The following DPH6 variants were observed in gnomAD, a reference collection of about 807,000 sequenced individuals.
DPH6 encodes the protein diphthamine biosynthesis 6.
Under a neutral mutation model 38.2 loss-of-function variants are expected in DPH6, and 33 were observed. That is an observed-to-expected ratio of 0.86 (90% confidence interval 0.65 to 1.15). The LOEUF (loss-of-function observed/expected upper bound fraction) is 1.15, where lower values mean the gene tolerates loss of function less well. Ranked by LOEUF, DPH6 falls within the 50% of genes most tolerant of loss-of-function variation. The pLI, the probability that DPH6 is intolerant of heterozygous loss-of-function variation, is 0.00. For missense variants in DPH6, 325 were observed against 320.0 expected (o/e 1.02, Z -0.12); for synonymous variants, 108 against 103.0 (o/e 1.05, Z -0.30).
intron 3 of DPH6, among the ~76,000 whole-genome samples, chr15:35,496,567 A>AAAAATATAT: frequency 4.5e-4 from 14 of 31,020 alleles, no homozygotes; most frequent in Non-Finnish European, 6.8e-4. Context: ...AAAAAAAAAA[A>AAAAATATAT]ATATATATAT....
chr15:35,198,514 C>G, the DPH6 span, among the ~76,000 whole-genome samples: 1 of 152,190 alleles, frequency 6.6e-6, no homozygotes, highest in African/African-American at 2.4e-5. Flanking sequence ...GTAAGTAAAC[C>G]AAGAAACTTG....
chr15:35,185,393 T>A, the DPH6 span, among the ~76,000 whole-genome samples: 1 of 152,146 alleles, frequency 6.6e-6, no homozygotes, highest in Non-Finnish European at 1.5e-5. Context: ...TTCTGAAATG[T>A]GACATTTCCA....
At chr15:35,345,237 C>T (rs2052452106) in intron 3 of DPH6, among the ~76,000 whole-genome samples, 1 of 151,808 alleles carries the variant, frequency 6.6e-6, no homozygotes, top group Admixed American at 6.6e-5. Flanking sequence ...ATCCAGAAAC[C>T]TTATCGATCT....
chr15:35,410,115 A>C (rs578113451), intron 6 of DPH6, among the ~76,000 whole-genome samples: 35 of 151,996 alleles, frequency 2.3e-4, no homozygotes, highest in African/African-American at 8.4e-4. Flanking sequence ...CTGATGAATT[A>C]AGAGCATGGG....
rs2053220453 is a variant in DPH6 at position 35,401,596 on chromosome 15, G to C, written c.567+9239C>G. ...AGGTGGTGGAAGCTACAATGATTTTGGCAATTACAACAATCATCTTCGAAT... is the reference window on the plus strand; with the variant it reads ...AGGTGGTGGAAGCTACAATGATTTTCGCAATTACAACAATCATCTTCGAAT... On this transcript the variant is annotated intron_variant, in intron 6 of 8. Coordinates refer to ENST00000256538, the MANE Select transcript of DPH6 (RefSeq NM_080650.4). 14 of 765,986 alleles carry C rather than the reference G, an allele frequency of 1.8e-5. No homozygotes were observed. In the Admixed American group the frequency reaches 2.4e-4, roughly 13 times the overall value. The allele number at this position is 765,986 out of a possible 1,614,324, so 47.4% of individuals were successfully genotyped here. A position where few individuals can be genotyped will look rare whatever the true frequency, so the allele number is the denominator to read the frequency against.
At chr15:35,253,022 T>C (rs2051684904) in intron 3 of DPH6, among the ~76,000 whole-genome samples, 1 of 152,222 alleles carries the variant, frequency 6.6e-6, no homozygotes, top group Non-Finnish European at 1.5e-5. Flanking sequence ...GCACCAACTA[T>C]CTCTGACGTC....
chr15:35,464,243 G>A (rs1455894057), intron 3 of DPH6, among the ~76,000 whole-genome samples: 1 of 150,984 alleles, frequency 6.6e-6, no homozygotes, highest in African/African-American at 2.4e-5. Flanking sequence ...GCAGTGAGCC[G>A]AGATCGTGCT....
intron 3 of DPH6, chr15:35,519,096 T>G (rs1286472823): frequency 2.6e-5 from 4 of 151,902 alleles, no homozygotes; most frequent in African/African-American, 9.7e-5. Context: ...CTGCTTTTAT[T>G]ATCCATAACT....
intron 3 of DPH6, among the ~76,000 whole-genome samples, chr15:35,251,982 T>C (rs1379826846): frequency 6.6e-6 from 1 of 152,014 alleles, no homozygotes; most frequent in African/African-American, 2.4e-5. Context: ...CTACTAAAAA[T>C]ATAAAAATTA....
intron 5 of DPH6, among the ~76,000 whole-genome samples, chr15:35,435,317 C>T (rs538403174): frequency 3.9e-5 from 6 of 151,952 alleles, no homozygotes; most frequent in Admixed American, 1.3e-4. Flanking sequence ...ATAGCCTACA[C>T]GTGACAATTA....
intron 3 of DPH6, among the ~76,000 whole-genome samples, chr15:35,469,101 A>G (rs1229506855): frequency 6.6e-6 from 1 of 151,570 alleles, no homozygotes; most frequent in Non-Finnish European, 1.5e-5. Flanking sequence ...AACAACAACA[A>G]CAACAGGCCA....
At chr15:35,384,998 C>T (rs190303629) in intron 6 of DPH6, among the ~76,000 whole-genome samples, 1 of 152,052 alleles carries the variant, frequency 6.6e-6, no homozygotes, top group African/African-American at 2.4e-5. Context: ...ATTTATGCGG[C>T]CAACAAACAT....
In DPH6 at chr15:35,324,397, A is replaced by G. The variant is rs375358573; in HGVS notation, n.200+49124T>C. Among the ~76,000 whole-genome samples the G allele has an allele frequency of 5.9e-5, 9 of 152,196 alleles. No homozygotes were observed. The East Asian group carries it at 7.7e-4, about 13-fold the overall frequency. On this transcript the variant is annotated intron_variant and non_coding_transcript_variant, in intron 3 of 3. Coordinates refer to the DPH6 transcript ENST00000560386. Reference sequence around the variant, plus strand: ...AAACTCTATTTTTCTTAAACTCAACAAAAATAAGATGAAGAATATAATACA... The same window carrying G: ...AAACTCTATTTTTCTTAAACTCAACGAAAATAAGATGAAGAATATAATACA...
chr15:35,208,996 A>G, the DPH6 span, among the ~76,000 whole-genome samples: 2 of 152,188 alleles, frequency 1.3e-5, no homozygotes, highest in Non-Finnish European at 2.9e-5. Context: ...TCATCCTCCC[A>G]GAAAGATTTA....
chr15:35,523,110 G>A (rs954090689), intron 3 of DPH6, among the ~76,000 whole-genome samples: 4 of 151,866 alleles, frequency 2.6e-5, no homozygotes, highest in Non-Finnish European at 4.4e-5. Flanking sequence ...CCAAATTACC[G>A]TCCAGAAATA....
chr15:35,272,879 C>T (rs1372059517), intron 3 of DPH6, among the ~76,000 whole-genome samples: 1 of 151,828 alleles, frequency 6.6e-6, no homozygotes, highest in Non-Finnish European at 1.5e-5. Context: ...TGCACTCCAG[C>T]CTGGGCAACA....
At chr15:35,317,364 AAG>A (rs1295595983) in intron 3 of DPH6, among the ~76,000 whole-genome samples, 1 of 150,860 alleles carries the variant, frequency 6.6e-6, no homozygotes, top group Non-Finnish European at 1.5e-5. Context: ...GAGAGAAAGA[AAG>A]AAAGAAAAGG....
downstream of DPH6, among the ~76,000 whole-genome samples, chr15:35,215,240 T>C (rs1245040903): frequency 3.9e-5 from 6 of 152,186 alleles, no homozygotes; most frequent in Non-Finnish European, 7.4e-5. Context: ...CTAACAAATA[T>C]TTATATAACT....
At chr15:35,367,177 G>A (rs2052668433), downstream of DPH6, among the ~76,000 whole-genome samples, 1 of 151,616 alleles carries the variant, frequency 6.6e-6, no homozygotes. Flanking sequence ...ATAAACTTAA[G>A]TGCTGATTAT....
Sources: gnomAD v4.1 joint callset for allele counts (sites outside exome capture counted in the v4.1 genomes callset) on GRCh38, gnomAD v4.1.1 for gene constraint, MANE v1.5 for transcripts, NCBI Gene and HGNC (gene_info 2026-07-23, HGNC 2026-07-21) for gene names.